The following PIGK variants were observed in gnomAD, a reference collection of about 807,000 sequenced individuals.
The protein encoded by PIGK is GPI-anchor transamidase.
A neutral mutation model predicts 50.6 loss-of-function variants in PIGK; 42 were observed. The observed-to-expected ratio is 0.83, with a 90% confidence interval of 0.65 to 1.07. The LOEUF is 1.07. Ranked by LOEUF, PIGK falls within the 50% of genes least tolerant of loss-of-function variation. PIGK has a pLI of 0.00. For missense variants in PIGK, 448 were observed against 488.7 expected (o/e 0.92, Z 0.78); for synonymous variants, 151 against 156.0 (o/e 0.97, Z 0.24).
At chr1:77,218,955 C>T (rs1044753353) in intron 1 of PIGK, among the ~76,000 whole-genome samples, 3 of 152,156 alleles carry the variant, frequency 2.0e-5, no homozygotes, top group African/African-American at 7.2e-5. Flanking sequence ...TCTCCAGTTC[C>T]GTCTGACTCC....
At chr1:77,209,521 A>G (rs1656367481) in intron 2 of PIGK, among the ~76,000 whole-genome samples, 1 of 152,158 alleles carries the variant, frequency 6.6e-6, no homozygotes, top group African/African-American at 2.4e-5. Flanking sequence ...TTGAATTTAG[A>G]AAAAGACCCA....
At chr1:77,109,520 C>T (rs954913917) in intron 10 of PIGK, among the ~76,000 whole-genome samples, 4 of 152,210 alleles carry the variant, frequency 2.6e-5, no homozygotes, top group Admixed American at 2.0e-4. Context: ...ACATGATTAT[C>T]TCAATAGATG....
At chr1:77,188,234 A>G (rs981948725) in intron 3 of PIGK, among the ~76,000 whole-genome samples, 1 of 152,216 alleles carries the variant, frequency 6.6e-6, no homozygotes, top group African/African-American at 2.4e-5. Context: ...CTTCTTTCAA[A>G]AGCAAATGGG....
At chr1:77,102,530 G>A (rs922381894) in intron 10 of PIGK, among the ~76,000 whole-genome samples, 1 of 152,142 alleles carries the variant, frequency 6.6e-6, no homozygotes, top group African/African-American at 2.4e-5. Context: ...GGGGTCATGA[G>A]CCATAGGATG....
chr1:77,092,521 A>G (rs987204877), intron 10 of PIGK, 31 bp from the exon 11 acceptor site: 4 of 1,097,212 alleles, frequency 3.6e-6, no homozygotes, highest in Middle Eastern at 2.0e-4. Context: ...GATAAATTTT[A>G]TAACAGGTAA....
At chr1:77,127,575 G>C (rs1354375359) in intron 9 of PIGK, among the ~76,000 whole-genome samples, 3 of 152,046 alleles carry the variant, frequency 2.0e-5, no homozygotes, top group Admixed American at 2.0e-4. Flanking sequence ...TCAGGTAGAA[G>C]GCCAAAGCAT....
intron 10 of PIGK, among the ~76,000 whole-genome samples, chr1:77,095,082 G>A (rs371826286): frequency 1.6e-4 from 25 of 152,070 alleles, no homozygotes; most frequent in African/African-American, 4.1e-4. Flanking sequence ...CTTAATGTTC[G>A]TTCAATACAT....
intron 8 of PIGK, among the ~76,000 whole-genome samples, chr1:77,159,205 G>C (rs1655080711): frequency 6.6e-6 from 1 of 152,172 alleles, no homozygotes; most frequent in Non-Finnish European, 1.5e-5. Context: ...TAAGCTCCAA[G>C]CCTGGGCAGC....
At chr1:77,164,642 A>G (rs1379400283) in intron 5 of PIGK, among the ~76,000 whole-genome samples, 1 of 152,038 alleles carries the variant, frequency 6.6e-6, no homozygotes, top group Non-Finnish European at 1.5e-5. Context: ...GGGAGAAAAA[A>G]GTATCCCTCC....
chr1:77,202,666 A>T (rs1428390739), intron 3 of PIGK, among the ~76,000 whole-genome samples: 3 of 152,204 alleles, frequency 2.0e-5, no homozygotes, highest in Non-Finnish European at 4.4e-5. Context: ...AATTAGGAAG[A>T]TTAATCTCAC....
At chr1:77,106,517 T>C (rs572292458) in intron 10 of PIGK, among the ~76,000 whole-genome samples, 4 of 152,206 alleles carry the variant, frequency 2.6e-5, no homozygotes, top group Admixed American at 6.5e-5. Context: ...CTTTCAGTCA[T>C]GGTAATCATA....
chr1:77,150,046 G>A (rs1254850394), intron 9 of PIGK, among the ~76,000 whole-genome samples: 2 of 152,004 alleles, frequency 1.3e-5, no homozygotes, highest in Non-Finnish European at 2.9e-5. Context: ...TGAAACAAAT[G>A]AAAATACAAA....
At chr1:77,146,729 G>A (rs2653465) in intron 9 of PIGK, among the ~76,000 whole-genome samples, 23,946 of 151,838 alleles carry the variant, frequency 0.16, 2,930 homozygotes, top group African/African-American at 0.34. Context: ...CCCGGGAGGC[G>A]GAGGTTGCGG....
chr1:77,163,168 T>C (rs1290808389), intron 6 of PIGK, among the ~76,000 whole-genome samples: 1 of 152,212 alleles, frequency 6.6e-6, no homozygotes, highest in Non-Finnish European at 1.5e-5. Context: ...TGCTTATGCT[T>C]TTATTTTAAC....
chr1:77,123,972 T>C (rs893140669), intron 9 of PIGK, among the ~76,000 whole-genome samples: 1 of 151,752 alleles, frequency 6.6e-6, no homozygotes, highest in African/African-American at 2.4e-5. Context: ...CTGGTATCTT[T>C]ATAAGAGGAG....
intron 10 of PIGK, among the ~76,000 whole-genome samples, chr1:77,118,890 A>G (rs926923641): frequency 2.0e-5 from 3 of 152,314 alleles, no homozygotes; most frequent in African/African-American, 7.2e-5. Flanking sequence ...GTGTTGCTAA[A>G]GGAGATTAAC....
chr1:77,150,658 G>T (rs1274781540), intron 9 of PIGK, among the ~76,000 whole-genome samples: 2 of 151,962 alleles, frequency 1.3e-5, no homozygotes, highest in African/African-American at 4.8e-5. Context: ...GGATAAAAAA[G>T]AAAACATTTC....
At chr1:77,107,421 A>C (rs1653713714) in intron 10 of PIGK, among the ~76,000 whole-genome samples, 1 of 152,178 alleles carries the variant, frequency 6.6e-6, no homozygotes, top group African/African-American at 2.4e-5. Context: ...CTTAATCCTG[A>C]GTTCTAGTTT....
chr1:77,177,767 C>T (rs1655520195), intron 3 of PIGK, among the ~76,000 whole-genome samples: 1 of 152,140 alleles, frequency 6.6e-6, no homozygotes, highest in East Asian at 1.9e-4. Context: ...AAGACTGGAT[C>T]TTCTGAAAAC....
Sources: allele counts gnomAD v4.1 joint callset (sites outside exome capture counted in the v4.1 genomes callset), GRCh38; gene constraint gnomAD v4.1.1; transcripts MANE v1.5; gene names NCBI Gene and HGNC (gene_info 2026-07-23, HGNC 2026-07-21).